The following PARM1 variants were observed in gnomAD, a reference collection of about 807,000 sequenced individuals.
PARM1 encodes the protein WSC4, cell wall integrity and stress response component 4 homolog.
PARM1 carries 14 observed loss-of-function variants against 24.6 expected under a neutral mutation model. The observed-to-expected ratio is 0.57, with a 90% confidence interval of 0.38 to 0.89. PARM1 has a LOEUF of 0.89. Ranked by LOEUF, PARM1 falls within the 40% of genes least tolerant of loss-of-function variation. The pLI, the probability that PARM1 is intolerant of heterozygous loss-of-function variation, is 0.00. For synonymous variants in PARM1, 179 were observed against 156.6 expected, an observed-to-expected ratio of 1.14 and a Z score of -1.07; for missense variants, 362 against 380.4, an observed-to-expected ratio of 0.95 and a Z score of 0.40.
chr4:75,033,855 T>C, intron 2 of PARM1, 28 bp from the exon 3 acceptor site: 1 of 1,573,050 alleles, frequency 6.4e-7, no homozygotes, highest in Non-Finnish European at 8.6e-7. Context: ...TCATGTATCT[T>C]CTTTTCTGTG....
chr4:75,043,025 T>G (rs1486134963), intron 3 of PARM1, among the ~76,000 whole-genome samples: 1 of 151,904 alleles, frequency 6.6e-6, no homozygotes, highest in Non-Finnish European at 1.5e-5. Flanking sequence ...TGTCTTACAG[T>G]ATAGGAGATT....
At chr4:74,971,734 C>T (rs1190062624) in intron 1 of PARM1, among the ~76,000 whole-genome samples, 1 of 152,194 alleles carries the variant, frequency 6.6e-6, no homozygotes, top group Non-Finnish European at 1.5e-5. Context: ...TTGCACACTC[C>T]ATCACCTACT....
At chr4:75,008,885 CTATCTATTACATGATGCTA>C (rs1722818391) in intron 1 of PARM1, among the ~76,000 whole-genome samples, 1 of 151,918 alleles carries the variant, frequency 6.6e-6, no homozygotes, top group African/African-American at 2.4e-5. Flanking sequence ...CTCCATCTGC[CTATCTATTACATGATGCTA>C]TGAATGGTAA....
intron 1 of PARM1, among the ~76,000 whole-genome samples, chr4:75,008,136 G>A (rs755103919): frequency 3.2e-4 from 49 of 152,296 alleles, no homozygotes; most frequent in Middle Eastern, 3.4e-3. Context: ...AGTGCATTAT[G>A]GAATGTACCA....
chr4:75,012,618 G>A lies in PARM1; in HGVS notation c.237G>A (p.Lys79=). ...CAGCCCCAACATCTCTGCTTCCTAAGAACATTTCCATAGAGTCCAGAGAAG... is the reference window on the plus strand; with the variant it reads ...CAGCCCCAACATCTCTGCTTCCTAAAAACATTTCCATAGAGTCCAGAGAAG... ...TASAPTSLLP[K]NISIESREEE... Residue 79 remains lysine (K), a synonymous_variant, in exon 2 of 4, where the codon AAG becomes AAA. Coordinates refer to ENST00000307428, the MANE Select transcript of PARM1 (RefSeq NM_015393.4). 6.2e-7 allele frequency: 1 copy of A among 1,613,958 alleles called. No individual in the cohort carries two copies. The highest frequency in any genetic ancestry group is 8.5e-7 in the Non-Finnish European group (1 of 1,179,884).
intron 1 of PARM1, among the ~76,000 whole-genome samples, chr4:74,964,329 G>A (rs575374224): frequency 1.3e-5 from 2 of 152,176 alleles, no homozygotes; most frequent in Non-Finnish European, 2.9e-5. Context: ...CATGATTGAT[G>A]AGGTCACATT....
chr4:75,022,157 G>A (rs1165529787), intron 2 of PARM1, among the ~76,000 whole-genome samples: 1 of 152,146 alleles, frequency 6.6e-6, no homozygotes, highest in African/African-American at 2.4e-5. Flanking sequence ...TCTGACTGGT[G>A]TGAGATGGTA....
At chr4:75,036,646 G>A (rs1186944025) in intron 3 of PARM1, among the ~76,000 whole-genome samples, 1 of 152,166 alleles carries the variant, frequency 6.6e-6, no homozygotes, top group African/African-American at 2.4e-5. Flanking sequence ...TGCCATCACA[G>A]TACTTACCAT....
chr4:75,010,544 T>A (rs74286817), intron 1 of PARM1, among the ~76,000 whole-genome samples: 4,745 of 152,172 alleles, frequency 0.031, 200 homozygotes, highest in East Asian at 0.22. Context: ...TTAAAAAAAA[T>A]TTTTTTAAAT....
intron 1 of PARM1, among the ~76,000 whole-genome samples, chr4:74,937,733 A>T (rs763111166): frequency 3.9e-5 from 6 of 152,230 alleles, no homozygotes; most frequent in African/African-American, 7.2e-5. Flanking sequence ...ATCCTCTCCA[A>T]AAGCAGAGTT....
chr4:74,995,414 G>A (rs1722557870), intron 1 of PARM1, among the ~76,000 whole-genome samples: 1 of 152,092 alleles, frequency 6.6e-6, no homozygotes, highest in African/African-American at 2.4e-5. Flanking sequence ...ATTTTCATGT[G>A]CCTGGCACTG....
rs752523726 is a variant in PARM1, at chr4:75,012,563, A to C, written c.182A>C (p.His61Pro). The C allele has an allele frequency of 6.2e-7, 1 of 1,613,880 alleles. No individual in the cohort carries two copies. The highest frequency in any genetic ancestry group is 1.1e-5 in the South Asian group (1 of 91,068). Residue 61 changes from histidine to proline, a missense_variant, in exon 2 of 4, where the codon CAC becomes CCC. His to Pro is a moderately conservative substitution (Grantham distance 77, BLOSUM62 -2). Transcript: ENST00000307428. ...ADTASPSNGTHNNSVLPVTAS... is the reference protein window; with the variant it reads ...ADTASPSNGTPNNSVLPVTAS... ...ACTGCCTCCCCATCCAACGGCACTC[A>C]CAACAACTCGGTGCTCCCAGTTACA...
chr4:74,961,191 T>G (rs1721766752), intron 1 of PARM1, among the ~76,000 whole-genome samples: 1 of 152,022 alleles, frequency 6.6e-6, no homozygotes, highest in Non-Finnish European at 1.5e-5. Context: ...CAAAGACAGC[T>G]TTGAGCAGAC....
intron 2 of PARM1, 65 bp downstream of exon 2, chr4:75,013,215 G>T: frequency 1.0e-5 from 15 of 1,493,206 alleles, no homozygotes; most frequent in Non-Finnish European, 1.3e-5. Context: ...GCAGTTCAGT[G>T]AACCAAACAC....
chr4:74,977,301 C>T (rs1268116207), intron 1 of PARM1, among the ~76,000 whole-genome samples: 1 of 152,114 alleles, frequency 6.6e-6, no homozygotes, highest in African/African-American at 2.4e-5. Context: ...TACACAAAAA[C>T]TTCACAATGC....
At chr4:75,015,005 C>T (rs1378862527) in intron 2 of PARM1, among the ~76,000 whole-genome samples, 1 of 152,204 alleles carries the variant, frequency 6.6e-6, no homozygotes, top group African/African-American at 2.4e-5. Flanking sequence ...ACAGTGACCA[C>T]ATTTTTTTTC....
intron 1 of PARM1, among the ~76,000 whole-genome samples, chr4:74,951,600 C>A (rs1721523668): frequency 6.6e-6 from 1 of 152,100 alleles, no homozygotes. Context: ...GCCCCCAACC[C>A]CGCGACAGGC....
intron 1 of PARM1, among the ~76,000 whole-genome samples, chr4:75,001,138 G>A (rs974317857): frequency 2.0e-5 from 3 of 152,044 alleles, no homozygotes; most frequent in Admixed American, 2.0e-4. Flanking sequence ...CCCAGAATAT[G>A]GCATGTAATA....
intron 1 of PARM1, chr4:74,956,076 A>C (rs1039142156): frequency 6.6e-6 from 1 of 152,266 alleles, no homozygotes; most frequent in South Asian, 2.1e-4. Flanking sequence ...TTAAAAATTT[A>C]TATAACACAA....
Sources: allele counts gnomAD v4.1 joint callset (sites outside exome capture counted in the v4.1 genomes callset), GRCh38; gene constraint gnomAD v4.1.1; transcripts MANE v1.5; gene names NCBI Gene and HGNC (gene_info 2026-07-23, HGNC 2026-07-21).